SMYD3: variants seen among roughly 807,000 people sequenced by gnomAD.
SMYD3 encodes the protein histone-lysine N-methyltransferase SMYD3.
In SMYD3, 36 loss-of-function variants were observed where a neutral mutation model predicts 57.7. The observed-to-expected ratio is 0.62, with a 90% CI of 0.48 to 0.82. The LOEUF (loss-of-function observed/expected upper bound fraction) is 0.82. Among genes scored for constraint, SMYD3 ranks in the 40% least tolerant of loss-of-function variants. The pLI, the probability that SMYD3 is intolerant of heterozygous loss-of-function variation, is 0.00. For synonymous variants in SMYD3, 211 were observed against 195.0 expected (o/e 1.08, Z -0.68); for missense variants, 515 against 538.8 (o/e 0.96, Z 0.44).
intron 1 of SMYD3, among the ~76,000 whole-genome samples, chr1:246,421,231 C>T (rs950675521): frequency 5.3e-5 from 8 of 151,820 alleles, no homozygotes; most frequent in Non-Finnish European, 1.2e-4. Context: ...CACAAAACTA[C>T]CAATAAGGCT....
At chr1:245,929,579 A>G (rs1030386479) in intron 6 of SMYD3, among the ~76,000 whole-genome samples, 1 of 152,218 alleles carries the variant, frequency 6.6e-6, no homozygotes. Context: ...AATCAGCCCG[A>G]TGGTTAATTA....
intron 5 of SMYD3, among the ~76,000 whole-genome samples, chr1:246,048,769 G>C (rs907149479): frequency 2.0e-5 from 3 of 150,088 alleles, no homozygotes; most frequent in Admixed American, 2.0e-4. Context: ...ATGAGATAAA[G>C]TATTTAAAGC....
intron 5 of SMYD3, among the ~76,000 whole-genome samples, chr1:245,932,022 A>G (rs1034508273): frequency 3.3e-5 from 5 of 152,242 alleles, no homozygotes; most frequent in African/African-American, 1.2e-4. Context: ...TGGTAAAAAT[A>G]TAAGACAGAA....
chr1:245,852,189 G>T (rs9729891), intron 10 of SMYD3, among the ~76,000 whole-genome samples: 24,611 of 152,194 alleles, frequency 0.16, 2,495 homozygotes, highest in African/African-American at 0.27. Flanking sequence ...AGGAGAAGGA[G>T]TAGGCCCAAG....
rs898190521 is a variant in SMYD3, at chr1:246,202,952, C to A, written c.531+124249G>T. Among the ~76,000 whole-genome samples the A allele has an allele frequency of 2.0e-5, 3 of 152,004 alleles. No individual in the cohort carries two copies. The highest frequency in any genetic ancestry group is 4.4e-5 in the Non-Finnish European group (3 of 68,000). The stretch of plus-strand genomic sequence containing the variant: ...ACCAGCCTGGCCAATATGGGAAAAC[C>A]CGTCTCTACTAAAAATACAAAATTT... On this transcript the variant is annotated intron_variant, in intron 5 of 11. Transcript: ENST00000490107. This position sits in a 1 kb window ranked among gnomAD's most constrained non-coding sequence, Gnocchi z 4.1.
chr1:245,901,216 C>T (rs2054161310), intron 8 of SMYD3, among the ~76,000 whole-genome samples: 1 of 152,068 alleles, frequency 6.6e-6, no homozygotes, highest in Non-Finnish European at 1.5e-5. Context: ...GCCACTTTTT[C>T]CTTTAAGTCC....
chr1:246,446,643 T>C (rs1366396397), intron 1 of SMYD3, among the ~76,000 whole-genome samples: 1 of 152,170 alleles, frequency 6.6e-6, no homozygotes, highest in Non-Finnish European at 1.5e-5. Flanking sequence ...AGGTACCATA[T>C]GGGGATGAAT....
intron 1 of SMYD3, among the ~76,000 whole-genome samples, chr1:246,474,484 A>G (rs1350517861): frequency 1.4e-5 from 2 of 142,118 alleles, no homozygotes; most frequent in Non-Finnish European, 3.0e-5. Context: ...GAGCCACTGC[A>G]CTCCAACCTG....
rs538760402 is a variant in SMYD3, at chr1:245,929,363, C to T, written c.599+507G>A. 2.6e-5 allele frequency among the ~76,000 whole-genome samples: 4 copies of T among 152,316 alleles called. 1 individual carries two copies. The highest frequency in any genetic ancestry group is 3.4e-3 in the Middle Eastern group (1 of 294). ...TGTGCCTATAGTGCTTGTGGAGAGA[C>T]GGTTTCATAGCTCAGTGGTAAGAGT... On this transcript the variant is annotated intron_variant, in intron 6 of 11. Coordinates refer to ENST00000490107, the MANE Select transcript of SMYD3 (RefSeq NM_001167740.2).
rs190131813 is a variant in SMYD3, at chr1:245,905,999, G to A, written c.813+9531C>T. ...ACCATATACAAAAATAAAATCAAAT[G>A]GATTAAAGACTTAAATCTAAGACCT... On this transcript the variant is annotated intron_variant, in intron 8 of 11. Transcript: ENST00000490107. Among the ~76,000 whole-genome samples the A allele has an allele frequency of 2.6e-5, 4 of 152,192 alleles. No homozygotes were observed. The East Asian group carries it at 5.8e-4, about 22-fold the overall frequency.
rs1366545659 is a variant in SMYD3, at chr1:245,942,918, G to C, written c.532-12981C>G. Among the ~76,000 whole-genome samples the C allele has an allele frequency of 2.0e-5, 3 of 152,074 alleles. 1 individual carries two copies. Among genetic ancestry groups the C allele is most frequent in the Non-Finnish European group, 4.4e-5 (3 of 68,014 alleles). ...ATAATGAAATTGAGGCAGAAATGAA[G>C]AAGTTCTTTGAAACCAATGAGAACG... On this transcript the variant is annotated intron_variant, in intron 5 of 11. Coordinates refer to ENST00000490107, the MANE Select transcript of SMYD3 (RefSeq NM_001167740.2).
At chr1:246,170,281 T>C (rs925545071) in intron 5 of SMYD3, among the ~76,000 whole-genome samples, 3 of 152,112 alleles carry the variant, frequency 2.0e-5, no homozygotes, top group Non-Finnish European at 2.9e-5. Flanking sequence ...TGATATATAT[T>C]ATGTATGAAA....
At chr1:246,169,556 C>T (rs2062290488) in intron 5 of SMYD3, among the ~76,000 whole-genome samples, 1 of 152,068 alleles carries the variant, frequency 6.6e-6, no homozygotes, top group African/African-American at 2.4e-5. Context: ...AAAAAAGATA[C>T]TTCCAGGCAG....
chr1:246,120,862 G>A (rs6687018), intron 5 of SMYD3, among the ~76,000 whole-genome samples: 4 of 151,974 alleles, frequency 2.6e-5, no homozygotes, highest in South Asian at 2.1e-4. Flanking sequence ...CAGGGAGCAC[G>A]TATCACACAA....
intron 10 of SMYD3, among the ~76,000 whole-genome samples, chr1:245,850,555 G>C (rs377508384): frequency 1.4e-4 from 21 of 152,154 alleles, no homozygotes; most frequent in East Asian, 7.7e-4. Context: ...AATTAGCTTG[G>C]TGTCAGGGTG....
At chr1:246,335,278 C>G in intron 3 of SMYD3, 89 bp downstream of exon 3, 2 of 1,151,414 alleles carry the variant, frequency 1.7e-6, no homozygotes, top group South Asian at 2.7e-5. Context: ...GAAACTGAAC[C>G]TGCAACATCT....
intron 10 of SMYD3, among the ~76,000 whole-genome samples, chr1:245,826,432 C>G (rs146876332): frequency 0.021 from 3,249 of 152,144 alleles, 114 homozygotes; most frequent in African/African-American, 0.069. Flanking sequence ...CCAGGCTGGT[C>G]TCAAACTCCT....
intron 1 of SMYD3, among the ~76,000 whole-genome samples, chr1:246,462,933 G>T (rs944053349): frequency 2.0e-5 from 3 of 152,148 alleles, no homozygotes; most frequent in Non-Finnish European, 4.4e-5. Flanking sequence ...GGCTGTGGCA[G>T]GGATGACATC....
intron 1 of SMYD3, among the ~76,000 whole-genome samples, chr1:246,360,635 A>C (rs1313413425): frequency 6.6e-6 from 1 of 152,168 alleles, no homozygotes; most frequent in Non-Finnish European, 1.5e-5. Flanking sequence ...ACAACCCAGA[A>C]ACAAACCCAA....
Sources: gnomAD v4.1 joint callset for allele counts (sites outside exome capture counted in the v4.1 genomes callset) on GRCh38, gnomAD v4.1.1 for gene constraint, Gnocchi (gnomAD v3.1) non-coding constraint, MANE v1.5 for transcripts, NCBI Gene and HGNC (gene_info 2026-07-23, HGNC 2026-07-21) for gene names.